C4orf51: variants seen among roughly 807,000 people sequenced by gnomAD.
C4orf51 encodes the protein chromosome 4 open reading frame 51.
A neutral mutation model predicts 25.2 loss-of-function variants in C4orf51; 25 were observed. The ratio of observed to expected loss-of-function variants is 0.99; its 90% CI spans 0.72 to 1.39. C4orf51 has a LOEUF of 1.39. C4orf51 is among the 40% of genes most tolerant of loss of function. C4orf51 has a pLI of 0.00. For synonymous variants in C4orf51, 100 were observed against 84.5 expected (o/e 1.18, Z -1.01); for missense variants, 252 against 239.6 (o/e 1.05, Z -0.34).
chr4:145,726,171 G>A (rs1732043268), intron 2 of C4orf51, among the ~76,000 whole-genome samples: 1 of 152,134 alleles, frequency 6.6e-6, no homozygotes, highest in South Asian at 2.1e-4. Context: ...CTTTTAAAAA[G>A]ATATTATTCT....
chr4:145,765,264 G>A lies in C4orf51; in HGVS notation n.167-5724G>A, dbSNP rs777699741. ...CTCCCCACTTCCTCCCGCCTCCTCC[G>A]ACGCCTGACAGCTATACCCTTCCAG... On this transcript the variant is annotated intron_variant and non_coding_transcript_variant, in intron 1 of 1. Transcript: ENST00000510096. This position sits in a 1 kb window ranked among gnomAD's most constrained non-coding sequence, Gnocchi z 4.7. The A allele has an allele frequency of 1.8e-5, 23 of 1,305,290 alleles. No individual in the cohort carries two copies. The highest frequency in any genetic ancestry group is 1.7e-4 in the South Asian group (11 of 65,730). The allele number at this position is 1,305,290 out of a possible 1,614,324, so 80.9% of individuals were successfully genotyped here.
At chr4:145,690,811 G>C (rs949987578) in intron 1 of C4orf51, among the ~76,000 whole-genome samples, 1 of 152,080 alleles carries the variant, frequency 6.6e-6, no homozygotes, top group African/African-American at 2.4e-5. Context: ...ATCAAAAAGT[G>C]CACAAAGGGC....
intron 2 of C4orf51, among the ~76,000 whole-genome samples, chr4:145,707,297 C>T (rs1408609814): frequency 6.6e-6 from 1 of 152,140 alleles, no homozygotes; most frequent in Non-Finnish European, 1.5e-5. Flanking sequence ...GCCTTTAGAA[C>T]CTTTGAATTC....
rs2126853705 is a variant in C4orf51, at chr4:145,763,081, G to A, written n.167-7907G>A. The A allele has an allele frequency of 6.5e-7, 1 of 1,535,774 alleles. No homozygotes were observed. The highest frequency in any genetic ancestry group is 1.4e-5 in the African/African-American group (1 of 73,132). On this transcript the variant is annotated intron_variant and non_coding_transcript_variant, in intron 1 of 1. Transcript: ENST00000510096. The surrounding 1 kb of genome is among the most constrained non-coding windows in gnomAD (Gnocchi z 4.6). Reference sequence around the variant, plus strand: ...GCACACACAACCCCTACGCCAAGCTGGGCCTTACCTAGAGGAGTCTGAAAC... The same window carrying A: ...GCACACACAACCCCTACGCCAAGCTAGGCCTTACCTAGAGGAGTCTGAAAC...
At chr4:145,779,354 C>T in the C4orf51 span, 7 of 1,612,380 alleles carry the variant, frequency 4.3e-6, no homozygotes, top group African/African-American at 1.3e-5. Flanking sequence ...GGGCTGACAG[C>T]CCAGGCCCTA....
intron 5 of C4orf51, 50 bp from the exon 6 acceptor site, chr4:145,732,403 G>A (rs758931696): frequency 7.6e-6 from 9 of 1,180,886 alleles, no homozygotes; most frequent in Non-Finnish European, 8.8e-6. Flanking sequence ...CTGTGGAAAA[G>A]TGACCTTTGC....
At chr4:145,738,072 TGTTA>T (rs999263622) in intron 1 of C4orf51, among the ~76,000 whole-genome samples, 16 of 152,202 alleles carry the variant, frequency 1.1e-4, no homozygotes, top group Middle Eastern at 3.4e-3. Context: ...AGAGATTCAT[TGTTA>T]GTTGGTTCCT....
intron 1 of C4orf51, chr4:145,760,784 C>T (rs1734370998): frequency 8.7e-7 from 1 of 1,149,024 alleles, no homozygotes; most frequent in Non-Finnish European, 1.1e-6. Flanking sequence ...TGCCCTCAGA[C>T]AGTCTCTGCT....
chr4:145,695,827 A>G (rs952205834), intron 1 of C4orf51, among the ~76,000 whole-genome samples: 2 of 152,254 alleles, frequency 1.3e-5, no homozygotes, highest in Admixed American at 6.5e-5. Flanking sequence ...AATACTATGC[A>G]GTCACAAAAA....
chr4:145,779,681 G>A, the C4orf51 span, among the ~76,000 whole-genome samples: 20 of 152,298 alleles, frequency 1.3e-4, no homozygotes, highest in Admixed American at 7.2e-4. Flanking sequence ...TAAGAAGGCC[G>A]TTCTTGAAAG....
chr4:145,765,755 T>G lies in C4orf51; in HGVS notation n.167-5233T>G. The G allele has an allele frequency of 6.2e-7, 1 of 1,610,010 alleles. No homozygotes were observed. The highest frequency in any genetic ancestry group is 8.5e-7 in the Non-Finnish European group (1 of 1,177,818). On this transcript the variant is annotated intron_variant and non_coding_transcript_variant, in intron 1 of 1. Coordinates refer to the C4orf51 transcript ENST00000510096. This position sits in a 1 kb window ranked among gnomAD's most constrained non-coding sequence, Gnocchi z 4.7. The stretch of plus-strand genomic sequence containing the variant: ...TGTCTTCCCCTGAAAAATAAGCAAA[T>G]AACCCAGTCTGTTAATGAGATGAAA...
At chr4:145,707,510 G>T (rs10084798) in intron 2 of C4orf51, among the ~76,000 whole-genome samples, 95,790 of 152,010 alleles carry the variant, frequency 0.63, 31,659 homozygotes, top group African/African-American at 0.84. Context: ...TGGGTAGGAC[G>T]GTCCAAGATG....
rs116613686 is a variant in C4orf51, at chr4:145,726,555, C to T, written c.308-356C>T. ...TAGCTGGAACCCCAGGAGCCACCAT[C>T]ACACCCAGCTAATTTTTAAAAATTA... On this transcript the variant is annotated intron_variant, in intron 2 of 5. Transcript: ENST00000438731. 2.3e-3 allele frequency among the ~76,000 whole-genome samples: 357 copies of T among 152,240 alleles called. 2 individuals carry two copies. The highest frequency in any genetic ancestry group is 8.1e-3 in the African/African-American group (338 of 41,534).
At position 145,760,701 on chromosome 4, in the gene C4orf51, G is replaced by A; in HGVS notation, n.167-10287G>A. The A allele has an allele frequency of 4.9e-6, 5 of 1,020,780 alleles. No homozygotes were observed. The South Asian group carries it at 1.2e-4, about 25-fold the overall frequency. 63.2% of individuals were successfully genotyped at this position (1,020,780 alleles called of 1,614,324 possible). On this transcript the variant is annotated intron_variant and non_coding_transcript_variant, in intron 1 of 1. Transcript: ENST00000510096. ...TTTGCAGCAACATACACCTGCTGGG[G>A]TTGTGTTTAAGTTTTGTGGTTTTTT...
At chr4:145,782,863 AC>A in the C4orf51 span, among the ~76,000 whole-genome samples, 1 of 152,182 alleles carries the variant, frequency 6.6e-6, no homozygotes, top group African/African-American at 2.4e-5. Context: ...CTGTTCCTCC[AC>A]CAAAAGCTAC....
At chr4:145,708,417 C>T (rs945235346) in intron 2 of C4orf51, among the ~76,000 whole-genome samples, 4 of 152,134 alleles carry the variant, frequency 2.6e-5, no homozygotes, top group African/African-American at 4.8e-5. Flanking sequence ...CCTGTGGTAT[C>T]GAGACAAGAT....
chr4:145,717,805 T>C lies in C4orf51; in HGVS notation c.308-9106T>C, dbSNP rs73854924. 3.1e-3 allele frequency among the ~76,000 whole-genome samples: 476 copies of C among 152,338 alleles called. 1 individual carries two copies. Among genetic ancestry groups the C allele is most frequent in the African/African-American group, 0.011 (461 of 41,584 alleles). On this transcript the variant is annotated intron_variant, in intron 2 of 5. Coordinates refer to ENST00000438731, the MANE Select transcript of C4orf51 (RefSeq NM_001080531.3). ...ATTAATTTTCTTTCCAAGGGTTTGA[T>C]TTGGTTGTAGCTTTTCTGACCTGAT...
At chr4:145,766,818 A>G (rs1186959166) in intron 1 of C4orf51, among the ~76,000 whole-genome samples, 2 of 152,212 alleles carry the variant, frequency 1.3e-5, no homozygotes, top group African/African-American at 4.8e-5. Context: ...CACAATTTAC[A>G]GGGCATTAGG....
intron 1 of C4orf51, among the ~76,000 whole-genome samples, chr4:145,694,205 T>G (rs1729865154): frequency 7.4e-6 from 1 of 136,048 alleles, no homozygotes; most frequent in Non-Finnish European, 1.6e-5. Flanking sequence ...TTCCTAGATG[T>G]GATGGCGGCT....
Sources: allele counts gnomAD v4.1 joint callset (sites outside exome capture counted in the v4.1 genomes callset), GRCh38; gene constraint gnomAD v4.1.1; non-coding constraint Gnocchi (gnomAD v3.1); transcripts MANE v1.5; gene names NCBI Gene and HGNC (gene_info 2026-07-23, HGNC 2026-07-21).